MRPL1: variants seen among roughly 807,000 people sequenced by gnomAD.
The protein encoded by MRPL1 is mitochondrial ribosomal protein L1, also known as large ribosomal subunit protein uL1m.
In MRPL1, 28 loss-of-function variants were observed where a neutral mutation model predicts 38.0. That is an observed-to-expected ratio of 0.74 (90% CI 0.55 to 1.01). The LOEUF is 1.01. Among genes scored for constraint, MRPL1 ranks in the 50% least tolerant of loss-of-function variants. The pLI is 0.00. For missense variants in MRPL1, 358 were observed against 389.8 expected (o/e 0.92, Z 0.69); for synonymous variants, 123 against 126.7 (o/e 0.97, Z 0.20).
intron 1 of MRPL1, among the ~76,000 whole-genome samples, chr4:77,870,934 C>T (rs942135921): frequency 6.6e-6 from 1 of 152,116 alleles, no homozygotes; most frequent in Admixed American, 6.5e-5. Flanking sequence ...CAGTACCCCA[C>T]TTTGTTCTTA....
intron 6 of MRPL1, chr4:77,908,321 C>T: frequency 1.2e-5 from 2 of 166,468 alleles, no homozygotes; most frequent in East Asian, 1.9e-4. Flanking sequence ...CAACCTCTTC[C>T]TCCCGAGTTC....
At position 77,882,269 on chromosome 4, in the gene MRPL1, C is replaced by T. The variant is rs111832077; in HGVS notation, c.144-973C>T. Among the ~76,000 whole-genome samples the T allele has an allele frequency of 7.2e-5, 11 of 152,238 alleles. No individual in the cohort carries two copies. In the East Asian group the frequency reaches 7.7e-4, roughly 11 times the overall value. On this transcript the variant is annotated intron_variant, in intron 2 of 8. Coordinates refer to ENST00000315567, the MANE Select transcript of MRPL1 (RefSeq NM_020236.4). The stretch of plus-strand genomic sequence containing the variant: ...TTTTGTGCCTCAGTACTTTTTATTA[C>T]GTTGTTTCTTTACCTGGCTAACTCT...
chr4:77,911,808 G>GTA (rs770558918), intron 7 of MRPL1, among the ~76,000 whole-genome samples: 6 of 152,114 alleles, frequency 3.9e-5, no homozygotes, highest in African/African-American at 7.2e-5. Context: ...CCACAATGCA[G>GTA]TATCATTCGT....
At chr4:77,917,873 A>C (rs1578053604) in intron 7 of MRPL1, among the ~76,000 whole-genome samples, 1 of 151,904 alleles carries the variant, frequency 6.6e-6, no homozygotes, top group Non-Finnish European at 1.5e-5. Flanking sequence ...CCGGCCAACA[A>C]GGTGAAATCC....
At chr4:77,905,496 C>CAAAAAAAAAAAA (rs374398968) in intron 6 of MRPL1, among the ~76,000 whole-genome samples, 2 of 63,382 alleles carry the variant, frequency 3.2e-5, no homozygotes, top group Non-Finnish European at 5.5e-5. Context: ...GACTCCGTCT[C>CAAAAAAAAAAAA]AAAAAAAAAA....
At chr4:77,942,679 T>C (rs1389520165) in intron 7 of MRPL1, among the ~76,000 whole-genome samples, 5 of 152,220 alleles carry the variant, frequency 3.3e-5, no homozygotes, top group Admixed American at 1.3e-4. Flanking sequence ...TTGTCTGATA[T>C]AAGAATAGCT....
chr4:77,881,260 C>CA (rs968374417), intron 2 of MRPL1, among the ~76,000 whole-genome samples: 17 of 152,094 alleles, frequency 1.1e-4, no homozygotes, highest in African/African-American at 4.1e-4. Flanking sequence ...GACCCATACT[C>CA]AAACTTCATA....
At chr4:77,922,181 A>G (rs531902553) in intron 7 of MRPL1, among the ~76,000 whole-genome samples, 1 of 152,352 alleles carries the variant, frequency 6.6e-6, no homozygotes, top group African/African-American at 2.4e-5. Context: ...TGTAAGTAGT[A>G]GAGTTAGGAT....
At chr4:77,906,817 A>C (rs1268972466) in intron 6 of MRPL1, 2 of 225,694 alleles carry the variant, frequency 8.9e-6, no homozygotes, top group Admixed American at 6.5e-5. Flanking sequence ...CACTATTAGC[A>C]TCTTAACTGT....
intron 6 of MRPL1, among the ~76,000 whole-genome samples, chr4:77,905,465 C>G (rs1473841678): frequency 1.5e-5 from 2 of 130,308 alleles, no homozygotes; most frequent in Non-Finnish European, 3.1e-5. Flanking sequence ...CCACTGTACT[C>G]CAGCCTGGGC....
intron 2 of MRPL1, among the ~76,000 whole-genome samples, chr4:77,882,191 A>C (rs983786615): frequency 1.3e-5 from 2 of 152,156 alleles, no homozygotes; most frequent in African/African-American, 4.8e-5. Context: ...AAGTTTGCCA[A>C]CTCTGCTCTA....
intron 7 of MRPL1, among the ~76,000 whole-genome samples, chr4:77,919,030 T>C (rs551380335): frequency 6.6e-6 from 1 of 152,348 alleles, no homozygotes; most frequent in Non-Finnish European, 1.5e-5. Flanking sequence ...AATGACAGAA[T>C]TAACTGTCTT....
chr4:77,909,158 G>A, intron 6 of MRPL1, 108 bp from the exon 7 acceptor site: 1 of 751,930 alleles, frequency 1.3e-6, no homozygotes, highest in Non-Finnish European at 2.3e-6. Context: ...AAGTTTATCT[G>A]CCACAATTTA....
intron 7 of MRPL1, among the ~76,000 whole-genome samples, chr4:77,940,563 G>A (rs935033595): frequency 6.6e-6 from 1 of 152,106 alleles, no homozygotes; most frequent in Admixed American, 6.6e-5. Context: ...CTCTGGCTAG[G>A]ACTTCCAGTG....
chr4:77,952,767 A>T lies in MRPL1; in HGVS notation c.*160A>T. ...AGTCATTTCAAGAATAAGAAAATAA[A>T]ATTTTCTCTTTGTCTGAACCTGCCT... is the stretch of plus-strand genomic sequence containing the variant. On this transcript the variant is annotated 3_prime_UTR_variant, in exon 9 of 9. Transcript: ENST00000315567. The T allele has an allele frequency of 1.8e-6, 1 of 564,480 alleles. No homozygotes were observed. Among genetic ancestry groups the T allele is most frequent in the South Asian group, 2.3e-5 (1 of 42,910 alleles). The allele number at this position is 564,480 out of a possible 1,614,324, so 35.0% of individuals were successfully genotyped here.
intron 7 of MRPL1, among the ~76,000 whole-genome samples, chr4:77,935,526 C>G (rs1182955853): frequency 6.6e-6 from 1 of 151,976 alleles, no homozygotes; most frequent in South Asian, 2.1e-4. Flanking sequence ...TCATGAGTAG[C>G]TGGGATTACA....
rs555920536 is a variant in MRPL1 at position 77,862,972 on chromosome 4, A to C, written c.31+93A>C. On this transcript the variant is annotated intron_variant, in intron 1 of 8. Coordinates refer to ENST00000315567, the MANE Select transcript of MRPL1 (RefSeq NM_020236.4). Reference sequence around the variant, plus strand: ...AAGGCGGATTCTGCTCTGGGTGCTGAAAATGCCTCGTGCTGTTTCTGGTCT... The same window carrying C: ...AAGGCGGATTCTGCTCTGGGTGCTGCAAATGCCTCGTGCTGTTTCTGGTCT... 3.3e-6 allele frequency: 5 copies of C among 1,492,660 alleles called. No individual in the cohort carries two copies. The African/African-American group carries it at 6.9e-5, about 21-fold the overall frequency. The allele number at this position is 1,492,660 out of a possible 1,614,324, so 92.5% of individuals were successfully genotyped here.
intron 7 of MRPL1, among the ~76,000 whole-genome samples, chr4:77,926,163 A>AT (rs1413021555): frequency 1.3e-5 from 2 of 152,156 alleles, no homozygotes; most frequent in Admixed American, 1.3e-4. Context: ...GAAAAAGGGA[A>AT]TTTTTTTATC....
intron 5 of MRPL1, among the ~76,000 whole-genome samples, chr4:77,887,998 C>G (rs1207660598): frequency 1.3e-5 from 2 of 151,826 alleles, no homozygotes; most frequent in East Asian, 3.9e-4. Flanking sequence ...TCATTGATAC[C>G]CATGGACACC....
Sources: allele counts gnomAD v4.1 joint callset (sites outside exome capture counted in the v4.1 genomes callset), GRCh38; gene constraint gnomAD v4.1.1; transcripts MANE v1.5; gene names NCBI Gene and HGNC (gene_info 2026-07-23, HGNC 2026-07-21).